FZD3: variants seen among roughly 807,000 people sequenced by gnomAD.
FZD3 encodes the protein frizzled-3.
Under a neutral mutation model 60.7 loss-of-function variants are expected in FZD3, and 30 were observed. That is an observed-to-expected ratio of 0.49 (90% CI 0.37 to 0.67). FZD3 has a LOEUF of 0.67. FZD3 is among the 30% of genes least tolerant of loss of function. The pLI is 0.00. For synonymous variants in FZD3, 246 were observed against 275.2 expected, an observed-to-expected ratio of 0.89 and a Z score of 1.05; for missense variants, 605 against 838.7, an observed-to-expected ratio of 0.72 and a Z score of 3.44.
chr8:28,527,732 T>A lies in FZD3; in HGVS notation c.972T>A (p.Ile324=). The A allele has an allele frequency of 6.2e-7, 1 of 1,614,164 alleles. No homozygotes were observed. The highest frequency in any genetic ancestry group is 8.5e-7 in the Non-Finnish European group (1 of 1,180,000). The change falls in exon 5 of 8, where the codon ATT becomes ATA. Residue 324 remains isoleucine, a synonymous_variant. Coordinates refer to ENST00000240093, the MANE Select transcript of FZD3 (RefSeq NM_017412.4). The surrounding 1 kb of genome is among the most constrained non-coding windows in gnomAD (Gnocchi z 5.0). Reference sequence around the variant, plus strand: ...TGCCAAAGTGGGGTAGTGAAGCTATTGAGAAGAAAGCATTGCTGTTTCACG... The same window carrying A: ...TGCCAAAGTGGGGTAGTGAAGCTATAGAGAAGAAAGCATTGCTGTTTCACG... ...AAVPKWGSEA[I]EKKALLFHAS... is the part of the protein sequence containing the mutation.
chr8:28,563,120 G>A lies in FZD3; in HGVS notation c.*109G>A, dbSNP rs570585343. On this transcript the variant is annotated 3_prime_UTR_variant, in exon 8 of 8. Transcript: ENST00000240093. ...TCACAGTTAACATGCTTTCAGTCAA[G>A]TACAGATTGTGTCCACTGGAAAGGT... is the stretch of plus-strand genomic sequence containing the variant. The A allele has an allele frequency of 8.0e-5, 60 of 746,108 alleles. No homozygotes were observed. The highest frequency in any genetic ancestry group is 1.2e-4 in the Non-Finnish European group (51 of 416,494). 46.2% of individuals were successfully genotyped at this position (746,108 alleles called of 1,614,324 possible).
In FZD3 at chr8:28,573,108, C is replaced by T. The variant is rs1446553968; in HGVS notation, c.*10097C>T. On this transcript the variant is annotated 3_prime_UTR_variant, in exon 8 of 8. Coordinates refer to ENST00000240093, the MANE Select transcript of FZD3 (RefSeq NM_017412.4). ...CTTCCTAGGCAATATGCTCATGATACCCTCTTCATGTGACCTATTCCTCAA... is the reference window on the plus strand; with the variant it reads ...CTTCCTAGGCAATATGCTCATGATATCCTCTTCATGTGACCTATTCCTCAA... 6.6e-6 allele frequency: 1 copy of T among 152,028 alleles called. No individual in the cohort carries two copies. The highest frequency in any genetic ancestry group is 1.5e-5 in the Non-Finnish European group (1 of 68,000). The allele number at this position is 152,028 out of a possible 1,614,324, so 9.4% of individuals were successfully genotyped here.
In FZD3 at chr8:28,544,581, A is replaced by G. The variant is rs368326633; in HGVS notation, c.1405-7022A>G. ...CATGAACTTTTGGCATTCCATTAAT[A>G]CAGTAAAAGTTTTCCTGGTTAAATG... On this transcript the variant is annotated intron_variant, in intron 5 of 7. Transcript: ENST00000240093. Among the ~76,000 whole-genome samples the G allele has an allele frequency of 9.8e-5, 15 of 152,328 alleles. 1 individual carries two copies. In the East Asian group the frequency reaches 1.9e-3, roughly 20 times the overall value.
At chr8:28,494,921 G>A (rs1803801411) in intron 1 of FZD3, among the ~76,000 whole-genome samples, 1 of 152,174 alleles carries the variant, frequency 6.6e-6, no homozygotes, top group South Asian at 2.1e-4. Flanking sequence ...ACGCCTGAAA[G>A]TTTCCCCTCC....
chr8:28,521,675 T>TAATA (rs1444380319), intron 4 of FZD3, among the ~76,000 whole-genome samples: 2 of 152,220 alleles, frequency 1.3e-5, no homozygotes, highest in East Asian at 3.8e-4. Context: ...TTTGCTTATA[T>TAATA]ACTCTTACTA....
rs1805722774 is a variant in FZD3 at position 28,567,321 on chromosome 8, T to C, written c.*4310T>C. 6.6e-6 allele frequency: 1 copy of C among 152,208 alleles called. No homozygotes were observed. Among genetic ancestry groups the C allele is most frequent in the Non-Finnish European group, 1.5e-5 (1 of 68,112 alleles). The allele number at this position is 152,208 out of a possible 1,614,324, so 9.4% of individuals were successfully genotyped here. ...GGTGCGTGCCACCACATCCAGCTAGTTTTTGTATTTTTAGTGGAGATGGAG... is the reference window on the plus strand; with the variant it reads ...GGTGCGTGCCACCACATCCAGCTAGCTTTTGTATTTTTAGTGGAGATGGAG... On this transcript the variant is annotated 3_prime_UTR_variant, in exon 8 of 8. Coordinates refer to ENST00000240093, the MANE Select transcript of FZD3 (RefSeq NM_017412.4).
chr8:28,545,521 C>G (rs1054576657), intron 5 of FZD3, among the ~76,000 whole-genome samples: 1 of 152,162 alleles, frequency 6.6e-6, no homozygotes, highest in African/African-American at 2.4e-5. Flanking sequence ...GAGATCTTCT[C>G]AGTCAGCTCC....
chr8:28,539,365 C>G (rs1465350589), intron 5 of FZD3, among the ~76,000 whole-genome samples: 1 of 152,156 alleles, frequency 6.6e-6, no homozygotes, highest in Non-Finnish European at 1.5e-5. Flanking sequence ...AGTCATATAT[C>G]AAGTTCCCAT....
intron 5 of FZD3, among the ~76,000 whole-genome samples, chr8:28,539,171 GCTT>G (rs1216333962): frequency 2.0e-5 from 3 of 152,162 alleles, no homozygotes; most frequent in African/African-American, 4.8e-5. Flanking sequence ...AGCCAGCAAA[GCTT>G]CATCTGTATT....
intron 4 of FZD3, among the ~76,000 whole-genome samples, chr8:28,523,910 C>T (rs913297405): frequency 3.3e-5 from 5 of 152,178 alleles, no homozygotes; most frequent in East Asian, 1.9e-4. Flanking sequence ...TTAGTTATTG[C>T]GGGATTGGGT....
chr8:28,574,206 G>A lies in FZD3; in HGVS notation c.*11195G>A, dbSNP rs1015147087. On this transcript the variant is annotated 3_prime_UTR_variant, in exon 8 of 8. Coordinates refer to ENST00000240093, the MANE Select transcript of FZD3 (RefSeq NM_017412.4). ...GTACAAACTGATTTTAAATGTAGTG[G>A]TTGTATATTTTGGTTATAAATTGGA... 2.6e-5 allele frequency: 4 copies of A among 152,060 alleles called. No homozygotes were observed. The highest frequency in any genetic ancestry group is 9.7e-5 in the African/African-American group (4 of 41,420). 9.4% of individuals were successfully genotyped at this position (152,060 alleles called of 1,614,324 possible). A position where few individuals can be genotyped will look rare whatever the true frequency, so the allele number is the denominator to read the frequency against.
At chr8:28,550,769 TGCATGAACCACCAC>T (rs893672675) in intron 5 of FZD3, among the ~76,000 whole-genome samples, 5 of 34,450 alleles carry the variant, frequency 1.5e-4, no homozygotes, top group Admixed American at 3.5e-4. Context: ...TGGGATTACA[TGCATGAACCACCAC>T]GCCTGGCCTA....
At position 28,544,626 on chromosome 8, in the gene FZD3, G is replaced by A. The variant is rs79062382; in HGVS notation, c.1405-6977G>A. On this transcript the variant is annotated intron_variant, in intron 5 of 7. Transcript: ENST00000240093. ...TAAATGTTTTGTCAATTTTGATTAT[G>A]CACGTATAGTCTTTTCCACTTTTTA... Among the ~76,000 whole-genome samples, 717 of 152,182 alleles carry A rather than the reference G, an allele frequency of 4.7e-3. 26 individuals are homozygous for A. In the East Asian group the frequency reaches 0.091, roughly 19 times the overall value.
intron 5 of FZD3, among the ~76,000 whole-genome samples, chr8:28,547,137 A>G (rs1805313582): frequency 1.3e-5 from 2 of 152,190 alleles, no homozygotes; most frequent in Admixed American, 1.3e-4. Flanking sequence ...AGTTATGTTC[A>G]CGCGTGTACA....
chr8:28,501,462 A>G (rs962357711), intron 2 of FZD3, among the ~76,000 whole-genome samples: 30 of 152,206 alleles, frequency 2.0e-4, no homozygotes, highest in Admixed American at 2.0e-3. Context: ...AAGTTGTCCT[A>G]TTAGTCTGGG....
chr8:28,526,192 T>TAC (rs10685591), intron 4 of FZD3, among the ~76,000 whole-genome samples: 81,686 of 150,928 alleles, frequency 0.54, 22,313 homozygotes, highest in South Asian at 0.63. Flanking sequence ...TTAATGTTTA[T>TAC]ACACACACAC....
At chr8:28,506,534 G>A (rs1804145538) in intron 3 of FZD3, among the ~76,000 whole-genome samples, 2 of 151,924 alleles carry the variant, frequency 1.3e-5, no homozygotes, top group Admixed American at 6.6e-5. Context: ...TAATCTCTTT[G>A]GGAGGTTGAT....
chr8:28,532,207 T>C (rs1804894794), intron 5 of FZD3, among the ~76,000 whole-genome samples: 2 of 152,198 alleles, frequency 1.3e-5, no homozygotes, highest in Admixed American at 1.3e-4. Flanking sequence ...GTTCTTCTTC[T>C]TCAAAACTAT....
rs1420770722 is a variant in FZD3 at position 28,573,006 on chromosome 8, C to A, written c.*9995C>A. ...TCTAGTACACCCCATAGAGGTACTC[C>A]AGGTGTCTTGGTTTTGGATAAATTT... On this transcript the variant is annotated 3_prime_UTR_variant, in exon 8 of 8. Coordinates refer to ENST00000240093, the MANE Select transcript of FZD3 (RefSeq NM_017412.4). 6.6e-6 allele frequency: 1 copy of A among 151,936 alleles called. No individual in the cohort carries two copies. The highest frequency in any genetic ancestry group is 1.5e-5 in the Non-Finnish European group (1 of 67,970). The allele number at this position is 151,936 out of a possible 1,614,324, so 9.4% of individuals were successfully genotyped here.
Sources: allele counts gnomAD v4.1 joint callset (sites outside exome capture counted in the v4.1 genomes callset), GRCh38; gene constraint gnomAD v4.1.1; non-coding constraint Gnocchi (gnomAD v3.1); transcripts MANE v1.5; gene names NCBI Gene and HGNC (gene_info 2026-07-23, HGNC 2026-07-21).